CNTNAP2: variants seen among roughly 807,000 people sequenced by gnomAD.
CNTNAP2 encodes contactin associated protein 2.
In CNTNAP2, 98 loss-of-function variants were observed where a neutral mutation model predicts 155.2. That is an observed-to-expected ratio of 0.63 (90% CI 0.54 to 0.75). The LOEUF is 0.75. Among genes scored for constraint, CNTNAP2 ranks in the 30% least tolerant of loss-of-function variants. The pLI is 0.00. For synonymous variants in CNTNAP2, 651 were observed against 631.2 expected (o/e 1.03, Z -0.47); for missense variants, 1,727 against 1,688.1 (o/e 1.02, Z -0.40).
chr7:146,667,262 A>G (rs151197662), intron 1 of CNTNAP2, among the ~76,000 whole-genome samples: 1 of 152,174 alleles, frequency 6.6e-6, no homozygotes, highest in African/African-American at 2.4e-5. Context: ...TAGTGTTTTC[A>G]GTACATTTGT....
chr7:146,313,741 G>A (rs996952253), intron 1 of CNTNAP2, among the ~76,000 whole-genome samples: 4 of 152,122 alleles, frequency 2.6e-5, no homozygotes, highest in Non-Finnish European at 1.5e-5. Flanking sequence ...GCTCACAGCT[G>A]TAATCCCAGC....
chr7:147,498,472 C>T (rs1439577480), intron 11 of CNTNAP2, among the ~76,000 whole-genome samples: 1 of 152,214 alleles, frequency 6.6e-6, no homozygotes, highest in Non-Finnish European at 1.5e-5. Flanking sequence ...TTTCGCTAAG[C>T]TTCCTTTCTA....
At chr7:146,439,598 T>C (rs996116023) in intron 1 of CNTNAP2, among the ~76,000 whole-genome samples, 1 of 151,560 alleles carries the variant, frequency 6.6e-6, no homozygotes. Flanking sequence ...CCAAACAAAA[T>C]GCCATCTGCA....
chr7:146,524,751 A>C (rs1469063872), intron 1 of CNTNAP2, among the ~76,000 whole-genome samples: 1 of 152,146 alleles, frequency 6.6e-6, no homozygotes, highest in Non-Finnish European at 1.5e-5. Flanking sequence ...TATAAATACA[A>C]GGTGCAAAAT....
chr7:147,043,941 T>C lies in CNTNAP2; in HGVS notation c.437T>C (p.Val146Ala). The C allele has an allele frequency of 6.2e-7, 1 of 1,614,164 alleles. No individual in the cohort carries two copies. The highest frequency in any genetic ancestry group is 8.5e-7 in the Non-Finnish European group (1 of 1,180,010). Residue 146 changes from valine to alanine, a missense_variant, in exon 4 of 24, where the codon GTC becomes GCC. Val to Ala is a moderately conservative substitution (Grantham distance 64, BLOSUM62 0). Transcript: ENST00000361727. ...FPGNINSDGVVRHELQHPIIA... is the reference protein window; with the variant it reads ...FPGNINSDGVARHELQHPIIA... ...GGAAACATTAACTCTGACGGTGTGGTCCGGCACGAATTACAGCATCCGATT... is the reference window on the plus strand; with the variant it reads ...GGAAACATTAACTCTGACGGTGTGGCCCGGCACGAATTACAGCATCCGATT...
At chr7:146,492,627 A>G (rs976651286) in intron 1 of CNTNAP2, among the ~76,000 whole-genome samples, 2 of 152,222 alleles carry the variant, frequency 1.3e-5, no homozygotes, top group Admixed American at 6.5e-5. Context: ...ATCTCTGCAC[A>G]GAGATAAGTG....
intron 1 of CNTNAP2, among the ~76,000 whole-genome samples, chr7:146,297,904 C>T (rs974885884): frequency 7.9e-5 from 12 of 151,566 alleles, no homozygotes; most frequent in Non-Finnish European, 1.8e-4. Context: ...CAGACACACA[C>T]GTAAATAAAA....
chr7:146,556,489 TA>T (rs1434494832), intron 1 of CNTNAP2, among the ~76,000 whole-genome samples: 1 of 152,328 alleles, frequency 6.6e-6, no homozygotes, highest in African/African-American at 2.4e-5. Context: ...AGGTGCCTAA[TA>T]ACTGTTAATT....
chr7:147,487,991 C>T (rs1238223028), intron 11 of CNTNAP2, among the ~76,000 whole-genome samples: 1 of 152,092 alleles, frequency 6.6e-6, no homozygotes, highest in African/African-American at 2.4e-5. Flanking sequence ...GAATATCCAA[C>T]GTGTGCATAA....
chr7:146,144,264 G>A (rs1260232443), intron 1 of CNTNAP2, among the ~76,000 whole-genome samples: 2 of 151,890 alleles, frequency 1.3e-5, no homozygotes, highest in East Asian at 3.9e-4. Context: ...TGATCCTCTC[G>A]CCTCAGCCCC....
At chr7:148,120,777 C>A (rs1804580208) in intron 16 of CNTNAP2, among the ~76,000 whole-genome samples, 1 of 152,082 alleles carries the variant, frequency 6.6e-6, no homozygotes. Flanking sequence ...CCCTCAGAGC[C>A]CCCTGTATCT....
At chr7:147,528,536 T>G (rs1281379347) in intron 11 of CNTNAP2, among the ~76,000 whole-genome samples, 7 of 152,158 alleles carry the variant, frequency 4.6e-5, no homozygotes, top group Non-Finnish European at 1.0e-4. Context: ...TGCACACACA[T>G]ACATGTACAC....
At chr7:148,300,088 G>A (rs1002262339) in intron 21 of CNTNAP2, among the ~76,000 whole-genome samples, 21 of 152,300 alleles carry the variant, frequency 1.4e-4, no homozygotes, top group Non-Finnish European at 2.6e-4. Context: ...AAGGGCGTAT[G>A]GAAATGGAAA....
At chr7:147,898,732 C>A (rs1291750261) in intron 13 of CNTNAP2, among the ~76,000 whole-genome samples, 1 of 152,092 alleles carries the variant, frequency 6.6e-6, no homozygotes, top group Non-Finnish European at 1.5e-5. Context: ...CTTGGCCAGG[C>A]TGATCTTGAA....
At chr7:148,317,104 C>A (rs1351914830) in intron 21 of CNTNAP2, among the ~76,000 whole-genome samples, 1 of 152,136 alleles carries the variant, frequency 6.6e-6, no homozygotes, top group African/African-American at 2.4e-5. Flanking sequence ...GCCTGTAATC[C>A]CAGCACTTTG....
intron 12 of CNTNAP2, among the ~76,000 whole-genome samples, chr7:147,589,703 G>A (rs1189608597): frequency 6.6e-6 from 1 of 151,954 alleles, no homozygotes; most frequent in Non-Finnish European, 1.5e-5. Context: ...ATAAGCTTTT[G>A]GATTCTCTCT....
intron 1 of CNTNAP2, among the ~76,000 whole-genome samples, chr7:146,193,165 T>C (rs913583234): frequency 2.0e-5 from 3 of 152,162 alleles, no homozygotes; most frequent in African/African-American, 7.2e-5. Context: ...TGGCATTGAG[T>C]GTCTGCAGCT....
intron 4 of CNTNAP2, among the ~76,000 whole-genome samples, chr7:147,055,250 A>G (rs1300089346): frequency 6.6e-6 from 1 of 152,216 alleles, no homozygotes; most frequent in African/African-American, 2.4e-5. Flanking sequence ...TCACGGCTCT[A>G]TGGAAAATCA....
chr7:147,418,314 G>A (rs1563197339), intron 10 of CNTNAP2, among the ~76,000 whole-genome samples: 1 of 152,140 alleles, frequency 6.6e-6, no homozygotes, highest in African/African-American at 2.4e-5. Context: ...CTTAATGGAA[G>A]AATGATCTGT....
Sources: allele counts gnomAD v4.1 joint callset (sites outside exome capture counted in the v4.1 genomes callset), GRCh38; gene constraint gnomAD v4.1.1; transcripts MANE v1.5; gene names NCBI Gene and HGNC (gene_info 2026-07-23, HGNC 2026-07-21).